Variants in RAB39A observed in about 807,000 individuals in gnomAD.
RAB39A encodes RAB39A, member RAS oncogene family, also known as ras-related protein Rab-39A.
In RAB39A, 17 loss-of-function variants were observed where a neutral mutation model predicts 20.9. The observed-to-expected ratio is 0.81, with a 90% CI of 0.56 to 1.22. RAB39A has a LOEUF of 1.22. Ranked by LOEUF, RAB39A falls within the 50% of genes most tolerant of loss-of-function variation. The pLI, the probability that RAB39A is intolerant of heterozygous loss-of-function variation, is 0.00. For missense variants in RAB39A, 234 were observed against 270.5 expected, an observed-to-expected ratio of 0.87 and a Z score of 0.95; for synonymous variants, 99 against 103.4, an observed-to-expected ratio of 0.96 and a Z score of 0.26.
intron 1 of RAB39A, among the ~76,000 whole-genome samples, chr11:107,931,150 A>AT (rs1201240378): frequency 6.6e-6 from 1 of 151,772 alleles, no homozygotes; most frequent in African/African-American, 2.4e-5. Context: ...CTAATTTTGT[A>AT]TTTTTAGTAG....
chr11:107,953,205 C>T (rs1158498277), intron 1 of RAB39A, among the ~76,000 whole-genome samples: 1 of 152,062 alleles, frequency 6.6e-6, no homozygotes, highest in African/African-American at 2.4e-5. Flanking sequence ...TTTTTAAAAA[C>T]TGAACTTTAG....
intron 1 of RAB39A, among the ~76,000 whole-genome samples, chr11:107,960,141 C>T (rs1272008616): frequency 4.7e-5 from 7 of 149,838 alleles, no homozygotes; most frequent in African/African-American, 1.5e-4. Context: ...ACCCAGGAGG[C>T]GGAGGTTGCA....
At chr11:107,933,731 G>T (rs562314096) in intron 1 of RAB39A, among the ~76,000 whole-genome samples, 1 of 150,072 alleles carries the variant, frequency 6.7e-6, no homozygotes, top group South Asian at 2.1e-4. Context: ...CGCAATCTCG[G>T]CTCACTGCAA....
At chr11:107,957,741 C>T (rs1861451932) in intron 1 of RAB39A, among the ~76,000 whole-genome samples, 1 of 152,122 alleles carries the variant, frequency 6.6e-6, no homozygotes, top group Non-Finnish European at 1.5e-5. Flanking sequence ...ATAGTCTCAC[C>T]TCTTCATTCC....
At chr11:107,935,010 T>TCCCG (rs1365185697) in intron 1 of RAB39A, among the ~76,000 whole-genome samples, 3 of 151,812 alleles carry the variant, frequency 2.0e-5, no homozygotes, top group Non-Finnish European at 4.4e-5. Context: ...CCCTAACTAT[T>TCCCG]ACCACTAAAT....
chr11:107,936,058 CT>C (rs1257635393), intron 1 of RAB39A, among the ~76,000 whole-genome samples: 5 of 151,984 alleles, frequency 3.3e-5, no homozygotes, highest in African/African-American at 9.7e-5. Flanking sequence ...TGCCACCATA[CT>C]CAGCTAGTTT....
chr11:107,949,803 G>T (rs1464339536), intron 1 of RAB39A, among the ~76,000 whole-genome samples: 1 of 152,056 alleles, frequency 6.6e-6, no homozygotes, highest in Admixed American at 6.6e-5. Context: ...CACATAACTT[G>T]TTCTGCCTTC....
At chr11:107,954,857 C>G (rs1468631004) in intron 1 of RAB39A, among the ~76,000 whole-genome samples, 1 of 152,076 alleles carries the variant, frequency 6.6e-6, no homozygotes, top group Non-Finnish European at 1.5e-5. Flanking sequence ...GAACACCCAG[C>G]TTATGATAGA....
chr11:107,933,828 G>C (rs902828170), intron 1 of RAB39A, among the ~76,000 whole-genome samples: 4 of 150,458 alleles, frequency 2.7e-5, no homozygotes. Flanking sequence ...ACTAATTTTT[G>C]TACTTTTAGT....
At chr11:107,937,792 C>A (rs1293507853) in intron 1 of RAB39A, among the ~76,000 whole-genome samples, 1 of 152,148 alleles carries the variant, frequency 6.6e-6, no homozygotes, top group South Asian at 2.1e-4. Flanking sequence ...AGCTCTCAGT[C>A]TCTGAGCCTC....
Position 107,928,897 on chromosome 11 carries a change from T to C in RAB39A, c.227+102T>C. 1.1e-6 allele frequency: 1 copy of C among 943,222 alleles called. No homozygotes were observed. Among genetic ancestry groups the C allele is most frequent in the South Asian group, 2.1e-5 (1 of 48,108 alleles). The allele number at this position is 943,222 out of a possible 1,614,324, so 58.4% of individuals were successfully genotyped here. A position where few individuals can be genotyped will look rare whatever the true frequency, so the allele number is the denominator to read the frequency against. On this transcript the variant is annotated intron_variant, in intron 1 of 1. Transcript: ENST00000320578. This position sits in a 1 kb window ranked among gnomAD's most constrained non-coding sequence, Gnocchi z 4.9. ...CGCCGGCCCTGGTCGGGAGAGGCTCTGGCCCTTCCCTCTCGAAAGTGCAAA... is the reference window on the plus strand; with the variant it reads ...CGCCGGCCCTGGTCGGGAGAGGCTCCGGCCCTTCCCTCTCGAAAGTGCAAA...
intron 1 of RAB39A, among the ~76,000 whole-genome samples, chr11:107,947,807 C>A (rs1467848779): frequency 2.2e-3 from 175 of 80,198 alleles, no homozygotes; most frequent in African/African-American, 4.0e-3. Context: ...CATCAACAGG[C>A]AAAAAAAAAA....
chr11:107,930,419 A>G (rs1424599817), intron 1 of RAB39A, among the ~76,000 whole-genome samples: 2 of 152,192 alleles, frequency 1.3e-5, no homozygotes. Context: ...TCAGAAAAAA[A>G]GCATTTGCTG....
intron 1 of RAB39A, among the ~76,000 whole-genome samples, chr11:107,956,852 CA>C (rs1298371773): frequency 2.0e-5 from 3 of 152,026 alleles, no homozygotes; most frequent in African/African-American, 7.3e-5. Flanking sequence ...GAGATATTTC[CA>C]AGAGAACAAT....
intron 1 of RAB39A, among the ~76,000 whole-genome samples, chr11:107,939,665 G>A (rs1336274288): frequency 6.6e-6 from 1 of 151,594 alleles, no homozygotes; most frequent in Admixed American, 6.6e-5. Context: ...AGACCTGCCT[G>A]GAGTATTTAT....
At chr11:107,958,675 T>G (rs1861463674) in intron 1 of RAB39A, among the ~76,000 whole-genome samples, 2 of 152,260 alleles carry the variant, frequency 1.3e-5, no homozygotes, top group African/African-American at 4.8e-5. Flanking sequence ...TAAGGGTTTT[T>G]TTATAATGTG....
rs1299328460 is a variant in RAB39A, at chr11:107,928,616, C to T, written c.48C>T (p.Asp16=). Residue 16 remains aspartate, a synonymous_variant, in exon 1 of 2, where the codon GAC becomes GAT. Coordinates refer to ENST00000320578, the MANE Select transcript of RAB39A (RefSeq NM_017516.3). The surrounding 1 kb of genome is among the most constrained non-coding windows in gnomAD (Gnocchi z 4.9). ...AGTTCCGCCTCATCGTGATCGGGGA[C>T]TCCACCGTGGGCAAGTCCTGCCTCC... is the stretch of plus-strand genomic sequence containing the variant. The part of the protein sequence containing the change: ...IYQFRLIVIG[D]STVGKSCLLH... The T allele has an allele frequency of 1.9e-6, 3 of 1,599,990 alleles. No individual in the cohort carries two copies. Among genetic ancestry groups the T allele is most frequent in the Non-Finnish European group, 2.6e-6 (3 of 1,169,654 alleles).
At position 107,948,509 on chromosome 11, in the gene RAB39A, C is replaced by A. The variant is rs185270134; in HGVS notation, c.228-13437C>A. On this transcript the variant is annotated intron_variant, in intron 1 of 1. Transcript: ENST00000320578. ...GCACCCCTCCCCCGACCACCCCCAGCCGAGAGGGATTCTCAGTCTGTCGCC... is the reference window on the plus strand; with the variant it reads ...GCACCCCTCCCCCGACCACCCCCAGACGAGAGGGATTCTCAGTCTGTCGCC... Among the ~76,000 whole-genome samples, 467 of 152,086 alleles carry A rather than the reference C, an allele frequency of 3.1e-3. 6 individuals are homozygous for A. Among genetic ancestry groups the A allele is most frequent in the African/African-American group, 0.011 (444 of 41,510 alleles).
At position 107,928,930 on chromosome 11, in the gene RAB39A, T is replaced by C; in HGVS notation, c.227+135T>C. On this transcript the variant is annotated intron_variant, in intron 1 of 1. Transcript: ENST00000320578. This position sits in a 1 kb window ranked among gnomAD's most constrained non-coding sequence, Gnocchi z 4.9. ...CCCTCTCGAAAGTGCAAACACTCCATTCTCGCTTCCCCTTTGCCCCTCCTC... is the reference window on the plus strand; with the variant it reads ...CCCTCTCGAAAGTGCAAACACTCCACTCTCGCTTCCCCTTTGCCCCTCCTC... 1.7e-6 allele frequency: 1 copy of C among 584,230 alleles called. No individual in the cohort carries two copies. The highest frequency in any genetic ancestry group is 2.8e-6 in the Non-Finnish European group (1 of 354,660). 36.2% of individuals were successfully genotyped at this position (584,230 alleles called of 1,614,324 possible).
Sources: allele counts gnomAD v4.1 joint callset (sites outside exome capture counted in the v4.1 genomes callset), GRCh38; gene constraint gnomAD v4.1.1; non-coding constraint Gnocchi (gnomAD v3.1); transcripts MANE v1.5; gene names NCBI Gene and HGNC (gene_info 2026-07-23, HGNC 2026-07-21).